Variants in RBFOX1 observed in about 807,000 individuals in gnomAD.
RBFOX1 encodes the protein RNA binding fox-1 homolog 1.
RBFOX1 carries 8 observed loss-of-function variants against 57.7 expected under a neutral mutation model. The ratio of observed to expected loss-of-function variants is 0.14; its 90% CI spans 0.08 to 0.25. The LOEUF (loss-of-function observed/expected upper bound fraction) is 0.25. Ranked by LOEUF, RBFOX1 falls within the 10% of genes least tolerant of loss-of-function variation. RBFOX1 has a pLI of 1.00. For missense variants in RBFOX1, 611 were observed against 548.5 expected, an observed-to-expected ratio of 1.11 and a Z score of -1.14; for synonymous variants, 326 against 222.4, an observed-to-expected ratio of 1.47 and a Z score of -4.15.
intron 1 of RBFOX1, among the ~76,000 whole-genome samples, chr16:6,247,309 G>C (rs926063120): frequency 1.3e-5 from 2 of 152,154 alleles, no homozygotes; most frequent in African/African-American, 4.8e-5. Context: ...AGTGGACAAA[G>C]CCTTGGTCTT....
intron 3 of RBFOX1, among the ~76,000 whole-genome samples, chr16:7,005,390 A>C (rs1596682575): frequency 6.6e-6 from 1 of 152,168 alleles, no homozygotes; most frequent in African/African-American, 2.4e-5. Context: ...GCAAGGAAAC[A>C]TCCCAATACA....
intron 8 of RBFOX1, among the ~76,000 whole-genome samples, chr16:7,596,934 G>T (rs1692087887): frequency 6.6e-6 from 1 of 152,136 alleles, no homozygotes; most frequent in Non-Finnish European, 1.5e-5. Context: ...GCTAAGACTT[G>T]TTTGTCCCTT....
intron 1 of RBFOX1, among the ~76,000 whole-genome samples, chr16:6,071,167 C>G (rs776118561): frequency 1.3e-5 from 2 of 151,962 alleles, no homozygotes; most frequent in Non-Finnish European, 1.5e-5. Context: ...TACAAAAATA[C>G]AAAAATTAGC....
At chr16:6,941,955 A>C (rs1317507383) in intron 3 of RBFOX1, among the ~76,000 whole-genome samples, 1 of 152,128 alleles carries the variant, frequency 6.6e-6, no homozygotes, top group African/African-American at 2.4e-5. Context: ...AAGGATGGGC[A>C]CAATGGCTCA....
At chr16:6,306,802 T>C (rs1289155019) in intron 1 of RBFOX1, among the ~76,000 whole-genome samples, 5 of 152,324 alleles carry the variant, frequency 3.3e-5, no homozygotes, top group Admixed American at 6.5e-5. Context: ...TTTTCTCTGA[T>C]ATACTATGCC....
chr16:7,585,681 T>G (rs2094074298), intron 6 of RBFOX1, among the ~76,000 whole-genome samples: 1 of 152,226 alleles, frequency 6.6e-6, no homozygotes, highest in South Asian at 2.1e-4. Context: ...TTGGGCTGTC[T>G]GTATTCAAGT....
chr16:7,403,012 C>G (rs962862827), intron 4 of RBFOX1, among the ~76,000 whole-genome samples: 1 of 152,292 alleles, frequency 6.6e-6, no homozygotes, highest in East Asian at 1.9e-4. Context: ...TGGAACTCCC[C>G]GTTCACGATG....
chr16:7,390,714 G>T (rs2097992457), intron 4 of RBFOX1, among the ~76,000 whole-genome samples: 1 of 152,148 alleles, frequency 6.6e-6, no homozygotes, highest in Non-Finnish European at 1.5e-5. Context: ...AGAGGAATTA[G>T]TGGTTATAAG....
chr16:6,679,503 G>T (rs986084561), intron 3 of RBFOX1, among the ~76,000 whole-genome samples: 8 of 152,032 alleles, frequency 5.3e-5, no homozygotes, highest in Non-Finnish European at 1.0e-4. Flanking sequence ...CTTCATGGTC[G>T]CATTCTGGAT....
chr16:5,349,646 T>G (rs1407964583), intron 1 of RBFOX1, among the ~76,000 whole-genome samples: 1 of 152,058 alleles, frequency 6.6e-6, no homozygotes, highest in Non-Finnish European at 1.5e-5. Context: ...CACTTCAGTC[T>G]GGGTGACAGA....
intron 12 of RBFOX1, among the ~76,000 whole-genome samples, chr16:7,655,933 C>T (rs1313259721): frequency 1.3e-5 from 2 of 152,194 alleles, no homozygotes. Flanking sequence ...CTGGGAATAA[C>T]CATGCATAAC....
At position 7,076,343 on chromosome 16, in the gene RBFOX1, T is replaced by A. The variant is rs1269518389; in HGVS notation, c.27+24245T>A. On this transcript the variant is annotated intron_variant, in intron 4 of 15. Coordinates refer to ENST00000550418, the MANE Select transcript of RBFOX1 (RefSeq NM_018723.4). The stretch of plus-strand genomic sequence containing the variant: ...CACCACTCCCGGCCATTTTTTTCTT[T>A]ATGGTAGAATTAAGTAGAAATGAAA... Among the ~76,000 whole-genome samples the A allele has an allele frequency of 2.6e-5, 4 of 152,130 alleles. No individual in the cohort carries two copies. In the East Asian group the frequency reaches 7.7e-4, roughly 29 times the overall value.
chr16:5,822,923 A>T (rs2055907162), intron 3 of RBFOX1, among the ~76,000 whole-genome samples: 1 of 152,184 alleles, frequency 6.6e-6, no homozygotes, highest in Non-Finnish European at 1.5e-5. Flanking sequence ...GTGGGCTTAG[A>T]TGTTGCTTTC....
chr16:5,849,074 A>G (rs894329535), intron 3 of RBFOX1, among the ~76,000 whole-genome samples: 2 of 152,182 alleles, frequency 1.3e-5, no homozygotes, highest in Non-Finnish European at 2.9e-5. Context: ...AAACCCAGGT[A>G]AGAACACTAG....
chr16:6,567,914 A>G (rs1275294602), intron 2 of RBFOX1, among the ~76,000 whole-genome samples: 1 of 152,130 alleles, frequency 6.6e-6, no homozygotes, highest in Admixed American at 6.5e-5. Flanking sequence ...TTGAACTGCC[A>G]GGCTCAAGCA....
chr16:6,245,905 T>G (rs948924563), intron 1 of RBFOX1, among the ~76,000 whole-genome samples: 4 of 152,218 alleles, frequency 2.6e-5, no homozygotes, highest in African/African-American at 9.6e-5. Context: ...CTCATGTCCT[T>G]ATTCATAGCT....
chr16:5,863,365 CTAATCA>C lies in RBFOX1; in HGVS notation c.319-3935_319-3930del, dbSNP rs1431820904. 2.6e-5 allele frequency among the ~76,000 whole-genome samples: 4 copies of C among 152,334 alleles called. No individual in the cohort carries two copies. In the East Asian group the frequency reaches 7.7e-4, roughly 29 times the overall value. On this transcript the variant is annotated intron_variant, in intron 3 of 19. Transcript: ENST00000641259. Reference sequence around the variant, plus strand: ...AGAATGGCCCGCCTCAAACACGGCTCTAATCATATCAGCCCCCCACTGCAGACACTC... The same window carrying C: ...AGAATGGCCCGCCTCAAACACGGCTCTATCAGCCCCCCACTGCAGACACTC...
chr16:6,896,484 A>C (rs1020909176), intron 3 of RBFOX1, among the ~76,000 whole-genome samples: 1 of 151,844 alleles, frequency 6.6e-6, no homozygotes, highest in Non-Finnish European at 1.5e-5. Flanking sequence ...AATTGTTTTG[A>C]CTTTTAGATC....
intron 1 of RBFOX1, among the ~76,000 whole-genome samples, chr16:6,137,094 G>T (rs751628710): frequency 3.9e-5 from 6 of 151,960 alleles, no homozygotes; most frequent in Admixed American, 3.3e-4. Flanking sequence ...CTCTGTCCAG[G>T]TACTTTCATG....
Sources: allele counts gnomAD v4.1 joint callset (sites outside exome capture counted in the v4.1 genomes callset), GRCh38; gene constraint gnomAD v4.1.1; transcripts MANE v1.5; gene names NCBI Gene and HGNC (gene_info 2026-07-23, HGNC 2026-07-21).